The following PTPRG variants were observed in gnomAD, a reference collection of about 807,000 sequenced individuals.
PTPRG encodes the protein receptor-type tyrosine-protein phosphatase gamma.
In PTPRG, 102 loss-of-function variants were observed where a neutral mutation model predicts 165.3. The ratio of observed to expected loss-of-function variants is 0.62; its 90% CI spans 0.53 to 0.73. The LOEUF (loss-of-function observed/expected upper bound fraction) is 0.73. PTPRG is among the 30% of genes least tolerant of loss of function. The pLI is 0.00. For missense variants in PTPRG, 1,866 were observed against 1,861.4 expected (o/e 1.00, Z -0.05); for synonymous variants, 675 against 669.5 (o/e 1.01, Z -0.13).
At chr3:61,732,757 TAAA>T (rs2032563588) in intron 1 of PTPRG, among the ~76,000 whole-genome samples, 3 of 149,148 alleles carry the variant, frequency 2.0e-5, no homozygotes, top group Non-Finnish European at 3.0e-5. Flanking sequence ...AATAAATAAA[TAAA>T]TCTTGCATTA....
chr3:61,822,500 C>T (rs938815774), intron 2 of PTPRG, among the ~76,000 whole-genome samples: 1 of 152,118 alleles, frequency 6.6e-6, no homozygotes, highest in Non-Finnish European at 1.5e-5. Context: ...TGTAGAACAG[C>T]GACCTTCTGT....
chr3:61,966,741 T>C (rs2040281262), intron 2 of PTPRG, among the ~76,000 whole-genome samples: 1 of 152,346 alleles, frequency 6.6e-6, no homozygotes, highest in South Asian at 2.1e-4. Flanking sequence ...CAGGTGGCTC[T>C]AGAATTTCTA....
At chr3:61,915,639 G>T (rs191813831) in intron 2 of PTPRG, among the ~76,000 whole-genome samples, 10 of 152,078 alleles carry the variant, frequency 6.6e-5, no homozygotes, top group African/African-American at 2.4e-4. Context: ...TGCTGAATGA[G>T]GCCTTTTAGG....
At chr3:61,609,376 GT>G (rs1341895930) in intron 1 of PTPRG, among the ~76,000 whole-genome samples, 2 of 152,176 alleles carry the variant, frequency 1.3e-5, no homozygotes, top group Non-Finnish European at 2.9e-5. Context: ...ATGTTGTGCT[GT>G]TTGCTGATTT....
intron 8 of PTPRG, among the ~76,000 whole-genome samples, chr3:62,181,572 A>G (rs1230435558): frequency 6.6e-6 from 1 of 152,210 alleles, no homozygotes; most frequent in Non-Finnish European, 1.5e-5. Context: ...ATACAGAACT[A>G]CTATAACATT....
chr3:62,015,936 A>C (rs1246104123), intron 4 of PTPRG, among the ~76,000 whole-genome samples: 1 of 152,312 alleles, frequency 6.6e-6, no homozygotes, highest in Non-Finnish European at 1.5e-5. Flanking sequence ...CCAGTCAGTA[A>C]GTTTTTTAAA....
At chr3:62,000,528 G>T (rs968673509) in intron 3 of PTPRG, among the ~76,000 whole-genome samples, 1 of 152,140 alleles carries the variant, frequency 6.6e-6, no homozygotes, top group Admixed American at 6.5e-5. Flanking sequence ...GCATGCAAAT[G>T]TTTACATATT....
At chr3:61,565,491 C>A (rs1699888875) in intron 1 of PTPRG, among the ~76,000 whole-genome samples, 1 of 152,102 alleles carries the variant, frequency 6.6e-6, no homozygotes, top group Non-Finnish European at 1.5e-5. Flanking sequence ...ACACATAGTT[C>A]ATTCAAACTC....
At chr3:62,104,719 C>T (rs1702412412) in intron 5 of PTPRG, among the ~76,000 whole-genome samples, 1 of 152,178 alleles carries the variant, frequency 6.6e-6, no homozygotes, top group Non-Finnish European at 1.5e-5. Context: ...AATTCACTTA[C>T]ACATTTCACT....
intron 5 of PTPRG, among the ~76,000 whole-genome samples, chr3:62,095,313 A>C (rs1367947866): frequency 6.6e-6 from 1 of 152,210 alleles, no homozygotes; most frequent in Non-Finnish European, 1.5e-5. Context: ...AAGAATGTCT[A>C]CAAGGAGATT....
At chr3:61,617,754 C>T (rs575234512) in intron 1 of PTPRG, among the ~76,000 whole-genome samples, 1 of 151,980 alleles carries the variant, frequency 6.6e-6, no homozygotes, top group Non-Finnish European at 1.5e-5. Context: ...TGGATAGATA[C>T]GAAAACGGTC....
At position 62,143,240 on chromosome 3, in the gene PTPRG, C is replaced by T. The variant is rs28681301; in HGVS notation, c.682+10572C>T. 9.8e-3 allele frequency among the ~76,000 whole-genome samples: 1,497 copies of T among 152,274 alleles called. 22 individuals carry two copies. The highest frequency in any genetic ancestry group is 0.035 in the African/African-American group (1,446 of 41,558). Reference sequence around the variant, plus strand: ...TTGTGGTCCAAAAGCTCGAAATAAGCCATCTGAGGCCAAATGGCTGAAGTT... The same window carrying T: ...TTGTGGTCCAAAAGCTCGAAATAAGTCATCTGAGGCCAAATGGCTGAAGTT... On this transcript the variant is annotated intron_variant, in intron 6 of 29. Coordinates refer to ENST00000474889, the MANE Select transcript of PTPRG (RefSeq NM_002841.4).
intron 1 of PTPRG, among the ~76,000 whole-genome samples, chr3:61,608,895 C>T (rs1414272309): frequency 1.1e-4 from 17 of 152,084 alleles, no homozygotes; most frequent in African/African-American, 2.4e-5. Context: ...GGGGATTATC[C>T]AAGATAATAC....
intron 4 of PTPRG, among the ~76,000 whole-genome samples, chr3:62,073,636 C>T (rs1049611251): frequency 1.3e-5 from 2 of 152,066 alleles, no homozygotes; most frequent in Non-Finnish European, 2.9e-5. Context: ...CACCTGCCAC[C>T]GCACCTGGCT....
intron 2 of PTPRG, among the ~76,000 whole-genome samples, chr3:61,865,418 T>C (rs2037379001): frequency 6.6e-6 from 1 of 152,180 alleles, no homozygotes. Context: ...AACGGGATAT[T>C]AGAGTTCTGA....
chr3:62,192,047 T>G (rs1699839280), intron 9 of PTPRG, among the ~76,000 whole-genome samples: 1 of 152,212 alleles, frequency 6.6e-6, no homozygotes, highest in Non-Finnish European at 1.5e-5. Context: ...ATATTAACTA[T>G]TATTTATTAC....
At chr3:61,621,033 G>GTATATATATA (rs368012442) in intron 1 of PTPRG, among the ~76,000 whole-genome samples, 16 of 129,972 alleles carry the variant, frequency 1.2e-4, no homozygotes, top group South Asian at 2.6e-4. Flanking sequence ...GTGTGTGTGT[G>GTATATATATA]TATATATATA....
chr3:61,935,741 A>G (rs947711379), intron 2 of PTPRG, among the ~76,000 whole-genome samples: 3 of 151,442 alleles, frequency 2.0e-5, no homozygotes, highest in African/African-American at 7.3e-5. Context: ...AGATGTCCCA[A>G]ATCCAAGAAG....
At chr3:61,839,039 CTCTGATTTATGTG>C (rs2036547400) in intron 2 of PTPRG, among the ~76,000 whole-genome samples, 1 of 152,078 alleles carries the variant, frequency 6.6e-6, no homozygotes, top group Admixed American at 6.6e-5. Flanking sequence ...GTTTTCAGGT[CTCTGATTTATGTG>C]TTCCTACCAG....
Sources: allele counts gnomAD v4.1 joint callset (sites outside exome capture counted in the v4.1 genomes callset), GRCh38; gene constraint gnomAD v4.1.1; transcripts MANE v1.5; gene names NCBI Gene and HGNC (gene_info 2026-07-23, HGNC 2026-07-21).